The following NEIL1 variants were observed in gnomAD, a reference collection of about 807,000 sequenced individuals.
NEIL1 encodes endonuclease 8-like 1.
NEIL1 carries 31 observed loss-of-function variants against 44.2 expected under a neutral mutation model. The observed-to-expected ratio is 0.70, with a 90% confidence interval of 0.53 to 0.95. The LOEUF is 0.95. Among genes scored for constraint, NEIL1 ranks in the 40% least tolerant of loss-of-function variants. The pLI is 0.00. For synonymous variants in NEIL1, 254 were observed against 209.7 expected, an observed-to-expected ratio of 1.21 and a Z score of -1.83; for missense variants, 549 against 515.5, an observed-to-expected ratio of 1.07 and a Z score of -0.63.
At position 75,355,919 on chromosome 15, in the gene NEIL1, G is replaced by C; in HGVS notation, c.*885G>C. 1 of 1,614,202 alleles carries C rather than the reference G, an allele frequency of 6.2e-7. No homozygotes were observed. Among genetic ancestry groups the C allele is most frequent in the Non-Finnish European group, 8.5e-7 (1 of 1,180,040 alleles). On this transcript the variant is annotated 3_prime_UTR_variant, in exon 10 of 10. Coordinates refer to ENST00000355059, the MANE Select transcript of NEIL1 (RefSeq NM_024608.4). ...AGCCCCAGGGACTCAGTGTGGCGGA[G>C]GCTGAAGCACGAGCAACAGGGACAG...
Position 75,352,664 on chromosome 15 carries a change from G to C in NEIL1, c.681G>C (p.Glu227Asp), listed in dbSNP as rs764644022. The change falls in exon 5 of 10, where the codon GAG becomes GAC. Residue 227 changes from glutamate (E) to aspartate (D), a missense_variant. Transcript: ENST00000355059. ...RTKLQNPDLLELCHSVPKEVV... is the reference protein window; with the variant it reads ...RTKLQNPDLLDLCHSVPKEVV... ...AGCTGCAGAATCCAGACCTGCTGGA[G>C]CTATGTCACTCAGTGCCCAAGGAAG... The C allele has an allele frequency of 6.2e-7, 1 of 1,613,106 alleles. No individual in the cohort carries two copies. The highest frequency in any genetic ancestry group is 2.2e-5 in the East Asian group (1 of 44,828).
intron 5 of NEIL1, chr15:75,352,910 GGGGTGGCTCAC>G: frequency 1.9e-6 from 1 of 515,556 alleles, no homozygotes; most frequent in South Asian, 2.0e-5. Context: ...GAGGCCGAGT[GGGGTGGCTCAC>G]CTGAGGTCAG....
At position 75,356,601 on chromosome 15, in the gene NEIL1, C is replaced by G. The variant is rs374233316; in HGVS notation, c.*1567C>G. ...CAGGAAGGCCCCACCGTCCCCAGCA[C>G]TCACCCTTGTGCGGCATCAGTGCAT... On this transcript the variant is annotated 3_prime_UTR_variant, in exon 10 of 10. Coordinates refer to ENST00000355059, the MANE Select transcript of NEIL1 (RefSeq NM_024608.4). The surrounding 1 kb of genome is among the most constrained non-coding windows in gnomAD (Gnocchi z 5.8). The G allele has an allele frequency of 1.3e-6, 2 of 1,558,008 alleles. No homozygotes were observed. The highest frequency in any genetic ancestry group is 2.7e-5 in the African/African-American group (2 of 73,796).
chr15:75,348,548 C>G, intron 1 of NEIL1: 2 of 1,178,898 alleles, frequency 1.7e-6, no homozygotes, highest in Non-Finnish European at 1.1e-6. Flanking sequence ...AGATGAGATC[C>G]GTGAGTGAGG....
intron 2 of NEIL1, chr15:75,349,729 G>A (rs977748587): frequency 3.8e-5 from 8 of 211,180 alleles, no homozygotes; most frequent in East Asian, 1.1e-4. Context: ...CAGGAAAAGC[G>A]CTTGAGCCGG....
rs748313223 is a variant in NEIL1, at chr15:75,353,812, C to G, written c.792C>G (p.Gly264=). The G allele has an allele frequency of 1.1e-5, 18 of 1,613,686 alleles. No individual in the cohort carries two copies. The African/African-American group carries it at 2.4e-4, about 22-fold the overall frequency. The change falls in exon 6 of 10, where the codon GGC becomes GGG. Residue 264 remains glycine, a synonymous_variant. Coordinates refer to ENST00000355059, the MANE Select transcript of NEIL1 (RefSeq NM_024608.4). ...TTCGAGCCTGGCTGCGCTGCTATGGCATGCCAGGCATGAGCTCCCTGCAGG... is the reference window on the plus strand; with the variant it reads ...TTCGAGCCTGGCTGCGCTGCTATGGGATGCCAGGCATGAGCTCCCTGCAGG... The part of the protein sequence containing the change: ...AAFRAWLRCY[G]MPGMSSLQDR...
In NEIL1 at chr15:75,355,287, G is replaced by A. The variant is rs2141320076; in HGVS notation, c.*253G>A. ...TTGGTCTGAGATGGCCAGGTAGGAA[G>A]GGCCTGCTGTCCGGTCCTGGTGACA... On this transcript the variant is annotated 3_prime_UTR_variant, in exon 10 of 10. Transcript: ENST00000355059. The A allele has an allele frequency of 6.3e-6, 3 of 472,514 alleles. No individual in the cohort carries two copies. Among genetic ancestry groups the A allele is most frequent in the East Asian group, 8.1e-5 (2 of 24,624 alleles). The allele number at this position is 472,514 out of a possible 1,614,324, so 29.3% of individuals were successfully genotyped here.
chr15:75,352,497 G>C (rs2071995301), intron 4 of NEIL1, 105 bp from the exon 5 acceptor site: 3 of 1,544,318 alleles, frequency 1.9e-6, no homozygotes, highest in Non-Finnish European at 2.7e-6. Flanking sequence ...CAACAGGGGT[G>C]GGGAGGGGAT....
rs1304986188 is a variant in NEIL1, at chr15:75,355,379, G to A, written c.*345G>A. On this transcript the variant is annotated 3_prime_UTR_variant, in exon 10 of 10. Transcript: ENST00000355059. ...AGTCCTCAAGGCTCTGACTCTATCA[G>A]AGGACAGTTTGCCTCTGCAAGGACA... 2.8e-5 allele frequency: 8 copies of A among 283,202 alleles called. No individual in the cohort carries two copies. Among genetic ancestry groups the A allele is most frequent in the Non-Finnish European group, 5.4e-5 (8 of 148,330 alleles). The allele number at this position is 283,202 out of a possible 1,614,324, so 17.5% of individuals were successfully genotyped here.
intron 1 of NEIL1, chr15:75,347,868 C>A: frequency 8.4e-7 from 1 of 1,196,858 alleles, no homozygotes; most frequent in South Asian, 1.4e-5. Context: ...GCAAAACGAG[C>A]CCTGTGGGTG....
In NEIL1 at chr15:75,356,371, G is replaced by A; in HGVS notation, c.*1337G>A. On this transcript the variant is annotated 3_prime_UTR_variant, in exon 10 of 10. Transcript: ENST00000355059. This position sits in a 1 kb window ranked among gnomAD's most constrained non-coding sequence, Gnocchi z 5.8. ...CGCACTCCAGGAGGTGGCGGGCGCT[G>A]GGCTGGGGGCTGGCAGAGCCAACAG... The A allele has an allele frequency of 2.5e-6, 4 of 1,611,726 alleles. No homozygotes were observed. Among genetic ancestry groups the A allele is most frequent in the Non-Finnish European group, 3.4e-6 (4 of 1,179,222 alleles).
In NEIL1 at chr15:75,348,402, G is replaced by A. The variant is rs1040970365; in HGVS notation, c.-22-482G>A. 2.4e-5 allele frequency: 24 copies of A among 988,726 alleles called. No individual in the cohort carries two copies. In the African/African-American group the frequency reaches 4.0e-4, roughly 17 times the overall value. The allele number at this position is 988,726 out of a possible 1,614,324, so 61.2% of individuals were successfully genotyped here. On this transcript the variant is annotated intron_variant, in intron 1 of 9. Coordinates refer to ENST00000355059, the MANE Select transcript of NEIL1 (RefSeq NM_024608.4). Reference sequence around the variant, plus strand: ...GGGGCGCAGGGAGGGGCGGCCACGCGATCCTAAGACCCTTTCAGATGGTGG... The same window carrying A: ...GGGGCGCAGGGAGGGGCGGCCACGCAATCCTAAGACCCTTTCAGATGGTGG...
At chr15:75,350,229 G>A (rs1185732009) in intron 2 of NEIL1, among the ~76,000 whole-genome samples, 8 of 152,238 alleles carry the variant, frequency 5.3e-5, no homozygotes, top group Non-Finnish European at 1.2e-4. Context: ...CTCTGAAGAG[G>A]AAACGTGTAT....
rs185157815 is a variant in NEIL1 at position 75,353,765 on chromosome 15, G to A, written c.745G>A (p.Gly249Arg). 3.8e-4 allele frequency: 609 copies of A among 1,614,130 alleles called. No individual in the cohort carries two copies. Among genetic ancestry groups the A allele is most frequent in the Middle Eastern group, 1.2e-3 (7 of 6,048 alleles). ...GGGCAAAGGCTACGGGTCAGAGAGC[G>A]GGGAGGAGGACTTTGCTGCCTTTCG... ...LGGKGYGSES[G>R]EEDFAAFRAW... The change falls in exon 6 of 10, where the codon GGG (glycine) becomes AGG (arginine). Residue 249 changes from glycine (G) to arginine (R), a missense_variant. Coordinates refer to ENST00000355059, the MANE Select transcript of NEIL1 (RefSeq NM_024608.4).
At chr15:75,354,552 G>T in intron 8 of NEIL1, 60 bp downstream of exon 8, 5 of 1,613,430 alleles carry the variant, frequency 3.1e-6, no homozygotes, top group Non-Finnish European at 4.2e-6. Flanking sequence ...GCCCCTCCCA[G>T]GCAGCTGCCT....
In NEIL1 at chr15:75,355,738, T is replaced by TACCCCCC; in HGVS notation, c.*704_*705insACCCCCC. ...CTGGGAAGCCATCCCACCCCAGACT[T>TACCCCCC]CCCACCCCCACCCCAAGCGTGAGGA... is the stretch of plus-strand genomic sequence containing the variant. On this transcript the variant is annotated 3_prime_UTR_variant, in exon 10 of 10. Transcript: ENST00000355059. The TACCCCCC allele has an allele frequency of 1.6e-6, 1 of 634,994 alleles. No homozygotes were observed. The highest frequency in any genetic ancestry group is 3.8e-5 in the East Asian group (1 of 26,316). The allele number at this position is 634,994 out of a possible 1,614,324, so 39.3% of individuals were successfully genotyped here. A position where few individuals can be genotyped will look rare whatever the true frequency, so the allele number is the denominator to read the frequency against.
Position 75,348,914 on chromosome 15 carries a change from G to A in NEIL1, c.9G>A (p.Glu3=). ...TGCCACCCTCCCTCAGGATGCCTGAGGGCCCCGAGCTGCACCTGGCCAGCC... is the reference window on the plus strand; with the variant it reads ...TGCCACCCTCCCTCAGGATGCCTGAAGGCCCCGAGCTGCACCTGGCCAGCC... MP[E]GPELHLASQF... The change falls in exon 2 of 10, where the codon GAG becomes GAA. Residue 3 remains glutamate, a synonymous_variant. Coordinates refer to ENST00000355059, the MANE Select transcript of NEIL1 (RefSeq NM_024608.4). The A allele has an allele frequency of 6.2e-7, 1 of 1,611,350 alleles. No individual in the cohort carries two copies. Among genetic ancestry groups the A allele is most frequent in the African/African-American group, 1.3e-5 (1 of 75,052 alleles).
chr15:75,351,229 A>C (rs1595858736), intron 2 of NEIL1: 1 of 448,530 alleles, frequency 2.2e-6, no homozygotes, highest in Non-Finnish European at 4.4e-6. Context: ...TGTCCTGAGG[A>C]GTCTGAGGTG....
intron 1 of NEIL1, chr15:75,348,076 C>G: frequency 9.7e-7 from 1 of 1,036,168 alleles, no homozygotes; most frequent in Non-Finnish European, 1.2e-6. Flanking sequence ...GCCGCGGGCC[C>G]TTTCCCTCCC....
Sources: allele counts gnomAD v4.1 joint callset (sites outside exome capture counted in the v4.1 genomes callset), GRCh38; gene constraint gnomAD v4.1.1; non-coding constraint Gnocchi (gnomAD v3.1); transcripts MANE v1.5; gene names NCBI Gene and HGNC (gene_info 2026-07-23, HGNC 2026-07-21).